The following ATP6V1C2 variants were observed in gnomAD, a reference collection of about 807,000 sequenced individuals.
ATP6V1C2 encodes V-type proton ATPase subunit C 2.
In ATP6V1C2, 45 loss-of-function variants were observed where a neutral mutation model predicts 56.8. The ratio of observed to expected loss-of-function variants is 0.79; its 90% CI spans 0.62 to 1.02. The LOEUF (loss-of-function observed/expected upper bound fraction) is 1.02, where lower values mean the gene tolerates loss of function less well. ATP6V1C2 is among the 50% of genes least tolerant of loss of function. The probability of loss-of-function intolerance (pLI) is 0.00; values close to 1 mark genes in which losing one functional copy is unlikely to be tolerated. For missense variants in ATP6V1C2, 463 were observed against 519.7 expected (o/e 0.89, Z 1.06); for synonymous variants, 220 against 201.3 (o/e 1.09, Z -0.79).
chr2:10,752,913 T>A (rs2148456953), intron 3 of ATP6V1C2, among the ~76,000 whole-genome samples: 1 of 152,226 alleles, frequency 6.6e-6, no homozygotes, highest in Admixed American at 6.5e-5. Flanking sequence ...GGAGAATCAC[T>A]TGAACCCGGG....
chr2:10,783,235 T>A lies in ATP6V1C2; in HGVS notation c.1256T>A (p.Phe419Tyr). Reference sequence around the variant, plus strand: ...CAAGACTATTTTCCTTATGTCTACTTCCATATTGACCTTAGTCTTCTTGAC... The same window carrying A: ...CAAGACTATTTTCCTTATGTCTACTACCATATTGACCTTAGTCTTCTTGAC... ...NNQDYFPYVY[F>Y]HIDLSLLD is the part of the protein sequence containing the mutation. The change falls in exon 14 of 14, where the codon TTC (phenylalanine) becomes TAC (tyrosine). Residue 419 changes from phenylalanine (F) to tyrosine (Y), a missense_variant. By Grantham distance (22) the Phe-to-Tyr change is conservative (BLOSUM62 3). Transcript: ENST00000272238. 6.2e-7 allele frequency: 1 copy of A among 1,613,750 alleles called. No homozygotes were observed. The highest frequency in any genetic ancestry group is 8.5e-7 in the Non-Finnish European group (1 of 1,179,636).
rs760949553 is a variant in ATP6V1C2 at position 10,777,703 on chromosome 2, AGAGT to A, written c.948_951del (p.Ser316ArgfsTer14). On this transcript the variant is annotated frameshift_variant, in exon 11 of 14. Coordinates refer to ENST00000272238, the MANE Select transcript of ATP6V1C2 (RefSeq NM_001039362.2). LOFTEE classifies it high-confidence loss of function. ...GCGGGGCAGACCGACAGAGAGAGAG[AGAGT>A]GAGGGCGAGGGTGAGGTAAGCAACG... is the stretch of plus-strand genomic sequence containing the variant. 9.3e-6 allele frequency: 15 copies of A among 1,613,290 alleles called. No individual in the cohort carries two copies. The Middle Eastern group carries it at 6.6e-4, about 71-fold the overall frequency.
At chr2:10,758,166 G>A (rs1050446426) in intron 4 of ATP6V1C2, among the ~76,000 whole-genome samples, 1 of 152,116 alleles carries the variant, frequency 6.6e-6, no homozygotes, top group African/African-American at 2.4e-5. Flanking sequence ...CCTCGGGCCC[G>A]GGACTGCAAG....
chr2:10,777,578 C>T lies in ATP6V1C2; in HGVS notation c.826-7C>T, dbSNP rs549451742. On this transcript the variant is annotated splice_polypyrimidine_tract_variant and splice_region_variant and intron_variant, in intron 10 of 13. Coordinates refer to ENST00000272238, the MANE Select transcript of ATP6V1C2 (RefSeq NM_001039362.2). ...GAAAGATTAATAAATCATTTCTGTGCCTTTAGCAAACTTCCTGTGTTGCTC... is the reference window on the plus strand; with the variant it reads ...GAAAGATTAATAAATCATTTCTGTGTCTTTAGCAAACTTCCTGTGTTGCTC... 1.9e-6 allele frequency: 3 copies of T among 1,604,990 alleles called. No homozygotes were observed. The highest frequency in any genetic ancestry group is 2.5e-6 in the Non-Finnish European group (3 of 1,177,720).
intron 4 of ATP6V1C2, 72 bp downstream of exon 4, chr2:10,754,138 G>A: frequency 1.5e-6 from 2 of 1,326,206 alleles, no homozygotes; most frequent in African/African-American, 1.5e-5. Context: ...TCCTTGCTGT[G>A]GCCACACAGC....
Position 10,785,070 on chromosome 2 carries a change from A to G in ATP6V1C2, c.*1807A>G, listed in dbSNP as rs371570055. 3 of 1,305,958 alleles carry G rather than the reference A, an allele frequency of 2.3e-6. No individual in the cohort carries two copies. The African/African-American group carries it at 4.4e-5, about 19-fold the overall frequency. 80.9% of individuals were successfully genotyped at this position (1,305,958 alleles called of 1,614,324 possible). On this transcript the variant is annotated 3_prime_UTR_variant, in exon 14 of 14. Coordinates refer to ENST00000272238, the MANE Select transcript of ATP6V1C2 (RefSeq NM_001039362.2). ...ACCAAAACACACACACACATTTACA[A>G]TGGACTGCTGGTGCAGAAGAATAAA...
intron 6 of ATP6V1C2, among the ~76,000 whole-genome samples, chr2:10,771,507 T>C (rs528277633): frequency 2.6e-5 from 4 of 152,220 alleles, no homozygotes; most frequent in African/African-American, 7.2e-5. Flanking sequence ...CCCCCTCCCA[T>C]AGCAGCCGGA....
intron 5 of ATP6V1C2, among the ~76,000 whole-genome samples, chr2:10,766,900 C>T (rs1035425330): frequency 2.0e-5 from 3 of 152,024 alleles, no homozygotes; most frequent in African/African-American, 7.2e-5. Context: ...TTGTATAGTG[C>T]AGAATAGTAT....
At chr2:10,725,929 A>G (rs1661614557) in intron 2 of ATP6V1C2, among the ~76,000 whole-genome samples, 1 of 151,912 alleles carries the variant, frequency 6.6e-6, no homozygotes, top group Non-Finnish European at 1.5e-5. Context: ...AAAATAAAAA[A>G]TTAGCCGTGC....
chr2:10,784,208 TC>T lies in ATP6V1C2; in HGVS notation c.*947del. ...GAATGTCCCTTCACTGCTGGAAAAA[TC>T]CACTGGCTCCCAAGAAAAGAAAATG... On this transcript the variant is annotated 3_prime_UTR_variant, in exon 14 of 14. Transcript: ENST00000272238. 6.8e-7 allele frequency: 1 copy of T among 1,472,064 alleles called. No individual in the cohort carries two copies. The highest frequency in any genetic ancestry group is 9.4e-7 in the Non-Finnish European group (1 of 1,062,944). 91.2% of individuals were successfully genotyped at this position (1,472,064 alleles called of 1,614,324 possible).
At chr2:10,734,198 T>C (rs1431234017) in intron 3 of ATP6V1C2, among the ~76,000 whole-genome samples, 1 of 152,104 alleles carries the variant, frequency 6.6e-6, no homozygotes, top group East Asian at 1.9e-4. Context: ...GCTCCCACTT[T>C]CCATGGCGGC....
chr2:10,744,669 CTTTTT>C (rs772851204), intron 3 of ATP6V1C2, among the ~76,000 whole-genome samples: 5 of 125,560 alleles, frequency 4.0e-5, no homozygotes, highest in Admixed American at 8.8e-5. Context: ...TTCTCTTTTT[CTTTTT>C]TTTTTTTTTT....
At position 10,781,350 on chromosome 2, in the gene ATP6V1C2, C is replaced by T. The variant is rs533472155; in HGVS notation, c.1062-893C>T. On this transcript the variant is annotated intron_variant, in intron 12 of 13. Coordinates refer to ENST00000272238, the MANE Select transcript of ATP6V1C2 (RefSeq NM_001039362.2). ...ATTAGCCTGGCGTGGTGGTGGCGGG[C>T]GCCTGTAATCCCAGCTACTTGGGAG... 2.2e-4 allele frequency among the ~76,000 whole-genome samples: 33 copies of T among 152,080 alleles called. 1 individual carries two copies. In the East Asian group the frequency reaches 5.3e-3, roughly 24 times the overall value.
In ATP6V1C2 at chr2:10,781,778, T is replaced by C. The variant is rs143522446; in HGVS notation, c.1062-465T>C. Among the ~76,000 whole-genome samples, 12 of 152,370 alleles carry C rather than the reference T, an allele frequency of 7.9e-5. No homozygotes were observed. The East Asian group carries it at 2.1e-3, about 27-fold the overall frequency. ...GGAATAGCTCATCCCAACAACTGGT[T>C]TTAAACATGCTCAGGCATACAACTA... On this transcript the variant is annotated intron_variant, in intron 12 of 13. Transcript: ENST00000272238.
At chr2:10,721,374 G>A (rs534229600), upstream of ATP6V1C2, among the ~76,000 whole-genome samples, 1 of 152,230 alleles carries the variant, frequency 6.6e-6, no homozygotes, top group Non-Finnish European at 1.5e-5. Context: ...CCCGGACGCG[G>A]CAGCGCAGTC....
chr2:10,771,930 G>A lies in ATP6V1C2; in HGVS notation c.562G>A (p.Val188Ile), dbSNP rs374055141. 1.9e-5 allele frequency: 30 copies of A among 1,613,558 alleles called. No homozygotes were observed. The highest frequency in any genetic ancestry group is 1.6e-4 in the Middle Eastern group (1 of 6,084). The change falls in exon 7 of 14, where the codon GTC (valine) becomes ATC (isoleucine). Residue 188 changes from valine to isoleucine, a missense_variant. Physicochemically the swap from Val to Ile is conservative, Grantham distance 29 (BLOSUM62 3). Transcript: ENST00000272238. ...SEYLVTLLVI[V>I]PKPNYSQWQK... The stretch of plus-strand genomic sequence containing the variant: ...ATATCTCGTCACACTTCTGGTCATC[G>A]TCCCCAAGTGAGTGCTGGGCGATCA...
chr2:10,768,834 T>C, intron 6 of ATP6V1C2, 24 bp downstream of exon 6: 1 of 1,593,138 alleles, frequency 6.3e-7, no homozygotes, highest in Non-Finnish European at 8.6e-7. Context: ...AGCCTCCACA[T>C]CTGGCGGGGG....
intron 4 of ATP6V1C2, chr2:10,757,569 TC>T: frequency 2.5e-6 from 1 of 397,874 alleles, no homozygotes; most frequent in Non-Finnish European, 4.4e-6. Context: ...CCACGATTTC[TC>T]AAGTAACAAC....
chr2:10,754,813 T>G (rs1351053484), intron 4 of ATP6V1C2, among the ~76,000 whole-genome samples: 1 of 150,804 alleles, frequency 6.6e-6, no homozygotes, highest in Admixed American at 6.6e-5. Flanking sequence ...CTCCTGACCT[T>G]GTGTCCGCCC....
Sources: gnomAD v4.1 joint callset for allele counts (sites outside exome capture counted in the v4.1 genomes callset) on GRCh38, gnomAD v4.1.1 for gene constraint, MANE v1.5 for transcripts, NCBI Gene and HGNC (gene_info 2026-07-23, HGNC 2026-07-21) for gene names.